RASSF2: variants seen among roughly 807,000 people sequenced by gnomAD.
RASSF2 encodes Ras association domain family member 2, also known as ras association domain-containing protein 2.
RASSF2 carries 34 observed loss-of-function variants against 46.3 expected under a neutral mutation model. The observed-to-expected ratio is 0.73, with a 90% CI of 0.56 to 0.98. The LOEUF (loss-of-function observed/expected upper bound fraction) is 0.98. Ranked by LOEUF, RASSF2 falls within the 50% of genes least tolerant of loss-of-function variation. RASSF2 has a pLI of 0.00. For synonymous variants in RASSF2, 158 were observed against 162.5 expected (o/e 0.97, Z 0.21); for missense variants, 364 against 431.2 (o/e 0.84, Z 1.38).
intron 10 of RASSF2, among the ~76,000 whole-genome samples, chr20:4,787,282 C>T (rs1204197565): frequency 2.6e-5 from 4 of 152,146 alleles, no homozygotes; most frequent in Non-Finnish European, 5.9e-5. Flanking sequence ...TCTCATGCTC[C>T]GCCATCTGCC....
chr20:4,813,561 A>G (rs1285885381), intron 2 of RASSF2, among the ~76,000 whole-genome samples: 1 of 152,202 alleles, frequency 6.6e-6, no homozygotes, highest in Non-Finnish European at 1.5e-5. Flanking sequence ...GAGCAGCCAC[A>G]TGTTTACAGG....
chr20:4,785,986 G>C (rs996717044), intron 11 of RASSF2, among the ~76,000 whole-genome samples: 2 of 152,160 alleles, frequency 1.3e-5, no homozygotes, highest in African/African-American at 4.8e-5. Flanking sequence ...CTTTCCATAA[G>C]AGGGAGGACA....
At chr20:4,821,804 C>G (rs943995063) in intron 2 of RASSF2, among the ~76,000 whole-genome samples, 1 of 147,142 alleles carries the variant, frequency 6.8e-6, no homozygotes, top group Non-Finnish European at 1.5e-5. Context: ...ATTTGAGGCC[C>G]TCTTCCACCC....
chr20:4,798,130 C>T (rs750012448), intron 3 of RASSF2, 45 bp from the exon 4 acceptor site: 2 of 1,608,594 alleles, frequency 1.2e-6, no homozygotes, highest in Admixed American at 3.3e-5. Flanking sequence ...CAGCTGAAGC[C>T]ACTTATAATG....
At position 4,800,515 on chromosome 20, in the gene RASSF2, C is replaced by T. The variant is rs185343174; in HGVS notation, c.59+457G>A. Among the ~76,000 whole-genome samples, 34 of 152,268 alleles carry T rather than the reference C, an allele frequency of 2.2e-4. No homozygotes were observed. In the East Asian group the frequency reaches 6.0e-3, roughly 27 times the overall value. ...GCCTTCTCACTGCGTCCTCACACCGCGGAGGAAAAACAATCTCCCTTGGCC... is the reference window on the plus strand; with the variant it reads ...GCCTTCTCACTGCGTCCTCACACCGTGGAGGAAAAACAATCTCCCTTGGCC... On this transcript the variant is annotated intron_variant, in intron 3 of 11. Transcript: ENST00000379400.
rs1333134137 is a variant in RASSF2, at chr20:4,783,566, C to G, written c.*707G>C. 6.5e-6 allele frequency: 1 copy of G among 152,680 alleles called. No homozygotes were observed. The highest frequency in any genetic ancestry group is 1.5e-5 in the Non-Finnish European group (1 of 68,076). The allele number at this position is 152,680 out of a possible 1,614,324, so 9.5% of individuals were successfully genotyped here. ...TTTCCACATAGAACATCACATATGT[C>G]TTTGTCATTTAAAACAATCAACGTT... On this transcript the variant is annotated 3_prime_UTR_variant, in exon 12 of 12. Transcript: ENST00000379400.
chr20:4,807,544 A>T (rs1349953290), intron 2 of RASSF2, among the ~76,000 whole-genome samples: 1 of 152,202 alleles, frequency 6.6e-6, no homozygotes, highest in East Asian at 1.9e-4. Context: ...TAATAAATCC[A>T]TGAAAAGGTG....
At position 4,787,772 on chromosome 20, in the gene RASSF2, C is replaced by G. The variant is rs780177121; in HGVS notation, c.692-18G>C. 6.2e-7 allele frequency: 1 copy of G among 1,614,130 alleles called. No homozygotes were observed. Among genetic ancestry groups the G allele is most frequent in the South Asian group, 1.1e-5 (1 of 91,082 alleles). On this transcript the variant is annotated intron_variant, in intron 9 of 11. Coordinates refer to ENST00000379400, the MANE Select transcript of RASSF2 (RefSeq NM_014737.3). ...CTGTTTCTCTGCAACCACACACACC[C>G]AGGAGCAGCCCTGAGAGGCCTTTCT... is the stretch of plus-strand genomic sequence containing the variant.
intron 2 of RASSF2, among the ~76,000 whole-genome samples, chr20:4,803,283 C>T (rs1408263119): frequency 1.3e-5 from 2 of 152,004 alleles, no homozygotes; most frequent in Non-Finnish European, 2.9e-5. Flanking sequence ...GAGAAGGATT[C>T]GACCTCCTGG....
Position 4,791,872 on chromosome 20 carries a change from A to G in RASSF2, c.376+667T>C, listed in dbSNP as rs118186137. Among the ~76,000 whole-genome samples, 117 of 152,354 alleles carry G rather than the reference A, an allele frequency of 7.7e-4. No individual in the cohort carries two copies. The East Asian group carries it at 9.3e-3, about 12-fold the overall frequency. On this transcript the variant is annotated intron_variant, in intron 6 of 11. Coordinates refer to ENST00000379400, the MANE Select transcript of RASSF2 (RefSeq NM_014737.3). ...GAATAAGGAAGTTCTTTACAAATGT[A>G]TATGGAAACATTCCCCCAGATAAAC...
In RASSF2 at chr20:4,786,276, T is replaced by A. The variant is rs1327831366; in HGVS notation, c.866A>T (p.Lys289Met). The change falls in exon 11 of 12, where the codon AAG becomes ATG. Residue 289 changes from lysine to methionine, a missense_variant. By Grantham distance (95) the Lys-to-Met change is moderately conservative. Transcript: ENST00000379400. ...TTCCCGATCTTCTTCCTCCTGGAGCTTCTGAATGAAGCTTTTAAGTACCGG... is the reference window on the plus strand; with the variant it reads ...TTCCCGATCTTCTTCCTCCTGGAGCATCTGAATGAAGCTTTTAAGTACCGG... Reference protein sequence around the residue: ...EMPVLKSFIQKLQEEEDREVK... With the variant: ...EMPVLKSFIQMLQEEEDREVK... 1 of 1,613,652 alleles carries A rather than the reference T, an allele frequency of 6.2e-7. No individual in the cohort carries two copies. The highest frequency in any genetic ancestry group is 1.3e-5 in the African/African-American group (1 of 74,914).
chr20:4,800,287 G>A (rs892858980), intron 3 of RASSF2, among the ~76,000 whole-genome samples: 7 of 152,132 alleles, frequency 4.6e-5, no homozygotes, highest in African/African-American at 1.7e-4. Flanking sequence ...CAGAGCAGCC[G>A]AGGGACACAC....
At chr20:4,784,592 CAAAAAAAAAAAAA>C (rs71197728) in intron 11 of RASSF2, among the ~76,000 whole-genome samples, 76 of 89,902 alleles carry the variant, frequency 8.5e-4, no homozygotes, top group African/African-American at 2.8e-3. Context: ...AACATCTAGC[CAAAAAAAAAAAAA>C]AAAAAAAAAA....
chr20:4,810,621 AG>A (rs1304373541), intron 2 of RASSF2, among the ~76,000 whole-genome samples: 2 of 152,134 alleles, frequency 1.3e-5, no homozygotes, highest in Non-Finnish European at 1.5e-5. Context: ...CCTCCAAGGG[AG>A]GGGCAGCCCT....
rs919752819 is a variant in RASSF2, at chr20:4,804,751, G to T, written c.-32-3689C>A. Among the ~76,000 whole-genome samples, 6 of 152,244 alleles carry T rather than the reference G, an allele frequency of 3.9e-5. No homozygotes were observed. The East Asian group carries it at 1.2e-3, about 29-fold the overall frequency. On this transcript the variant is annotated intron_variant, in intron 2 of 11. Transcript: ENST00000379400. Reference sequence around the variant, plus strand: ...TACACATTCAACAAGCATTTATTGTGTCTACAACGTGCCAAGCATCGTGCT... The same window carrying T: ...TACACATTCAACAAGCATTTATTGTTTCTACAACGTGCCAAGCATCGTGCT...
chr20:4,796,143 C>A (rs57821058), intron 4 of RASSF2, among the ~76,000 whole-genome samples, 177 bp from the exon 5 acceptor site: 26,094 of 152,202 alleles, frequency 0.17, 2,398 homozygotes, highest in East Asian at 0.3. Context: ...TTTCTGACGT[C>A]AACTACTCCA....
chr20:4,814,697 C>T (rs1928144328), intron 2 of RASSF2, among the ~76,000 whole-genome samples: 1 of 152,296 alleles, frequency 6.6e-6, no homozygotes, highest in East Asian at 1.9e-4. Context: ...ACCCTCCACC[C>T]TCCTTTAACC....
At position 4,795,763 on chromosome 20, in the gene RASSF2, T is replaced by C. The variant is rs910502653; in HGVS notation, c.287+52A>G. On this transcript the variant is annotated intron_variant, in intron 5 of 11. Transcript: ENST00000379400. The surrounding 1 kb of genome is among the most constrained non-coding windows in gnomAD (Gnocchi z 4.0). Reference sequence around the variant, plus strand: ...CAGCATTTATCTGCTTGAGAACACATAGAACACCCAAGCATCCCAGTCATC... The same window carrying C: ...CAGCATTTATCTGCTTGAGAACACACAGAACACCCAAGCATCCCAGTCATC... 1.3e-6 allele frequency: 2 copies of C among 1,561,684 alleles called. No homozygotes were observed. Among genetic ancestry groups the C allele is most frequent in the Non-Finnish European group, 1.7e-6 (2 of 1,150,204 alleles).
rs1924950078 is a variant in RASSF2 at position 4,782,702 on chromosome 20, A to AC, written c.*1570dup. 1 of 152,342 alleles carries AC rather than the reference A, an allele frequency of 6.6e-6. No homozygotes were observed. Among genetic ancestry groups the AC allele is most frequent in the Admixed American group, 6.5e-5 (1 of 15,278 alleles). The allele number at this position is 152,342 out of a possible 1,614,324, so 9.4% of individuals were successfully genotyped here. A position where few individuals can be genotyped will look rare whatever the true frequency, so the allele number is the denominator to read the frequency against. On this transcript the variant is annotated 3_prime_UTR_variant, in exon 12 of 12. Coordinates refer to ENST00000379400, the MANE Select transcript of RASSF2 (RefSeq NM_014737.3). ...AGAAACGTCTCCACCAAAAAAGTCC[A>AC]CCTTCCTTTGGAGGCACCAACCAGG...
Sources: gnomAD v4.1 joint callset for allele counts (sites outside exome capture counted in the v4.1 genomes callset) on GRCh38, gnomAD v4.1.1 for gene constraint, Gnocchi (gnomAD v3.1) non-coding constraint, MANE v1.5 for transcripts, NCBI Gene and HGNC (gene_info 2026-07-23, HGNC 2026-07-21) for gene names.